AGT: variants seen among roughly 807,000 people sequenced by gnomAD.
AGT encodes alpha-1 antiproteinase, antitrypsin.
In AGT, 26 loss-of-function variants were observed where a neutral mutation model predicts 28.1. That is an observed-to-expected ratio of 0.92 (90% CI 0.68 to 1.28). The LOEUF (loss-of-function observed/expected upper bound fraction) is 1.28, where lower values mean the gene tolerates loss of function less well. Ranked by LOEUF, AGT falls within the 50% of genes most tolerant of loss-of-function variation. The pLI, the probability that AGT is intolerant of heterozygous loss-of-function variation, is 0.00. For missense variants in AGT, 596 were observed against 592.3 expected, an observed-to-expected ratio of 1.01 and a Z score of -0.06; for synonymous variants, 259 against 259.6, an observed-to-expected ratio of 1.00 and a Z score of 0.02.
At position 230,703,015 on chromosome 1, in the gene AGT, A is replaced by C; in HGVS notation, c.*126T>G. ...TTCCAGCTCAAAGTCGACTCATTAG[A>C]AGAAAAGGTGGGAGACTGGGGGTGA... On this transcript the variant is annotated 3_prime_UTR_variant, in exon 5 of 5. Coordinates refer to ENST00000366667, the MANE Select transcript of AGT (RefSeq NM_001384479.1). The C allele has an allele frequency of 9.1e-7, 1 of 1,094,648 alleles. No homozygotes were observed. Among genetic ancestry groups the C allele is most frequent in the Non-Finnish European group, 1.3e-6 (1 of 765,656 alleles). 67.8% of individuals were successfully genotyped at this position (1,094,648 alleles called of 1,614,324 possible). A position where few individuals can be genotyped will look rare whatever the true frequency, so the allele number is the denominator to read the frequency against.
At chr1:230,716,021 A>C (rs1355373818), upstream of AGT, among the ~76,000 whole-genome samples, 4 of 152,238 alleles carry the variant, frequency 2.6e-5, no homozygotes, top group African/African-American at 9.6e-5. Flanking sequence ...ACTTCTCTTA[A>C]TAATGACACG....
At chr1:230,744,585 C>A (rs985479061) in intron 1 of AGT, among the ~76,000 whole-genome samples, 3 of 152,150 alleles carry the variant, frequency 2.0e-5, no homozygotes, top group Non-Finnish European at 4.4e-5. Flanking sequence ...ATTGTTAAAC[C>A]TTTTTGGTGT....
chr1:230,744,775 C>T lies in AGT; in HGVS notation c.-31+740G>A, dbSNP rs139931285. Among the ~76,000 whole-genome samples the T allele has an allele frequency of 3.9e-3, 601 of 152,278 alleles. 5 individuals carry two copies. Among genetic ancestry groups the T allele is most frequent in the African/African-American group, 0.014 (574 of 41,558 alleles). On this transcript the variant is annotated intron_variant, in intron 1 of 4. Transcript: ENST00000681269. The stretch of plus-strand genomic sequence containing the variant: ...GTTTGTATCGGGAGGAGAATGAGAA[C>T]GTAAATCCCTGAAGCTGGGAGTGGG...
At chr1:230,729,505 C>G (rs1018869967) in intron 1 of AGT, among the ~76,000 whole-genome samples, 1 of 152,160 alleles carries the variant, frequency 6.6e-6, no homozygotes, top group Non-Finnish European at 1.5e-5. Context: ...CTTGATTACC[C>G]AGGCATGTGT....
intron 1 of AGT, among the ~76,000 whole-genome samples, chr1:230,726,184 A>G (rs1183314135): frequency 6.6e-6 from 1 of 152,220 alleles, no homozygotes; most frequent in African/African-American, 2.4e-5. Flanking sequence ...TAAACAAGTT[A>G]TTGATGACTA....
At chr1:230,707,229 G>A (rs1175784308) in intron 2 of AGT, among the ~76,000 whole-genome samples, 2 of 152,312 alleles carry the variant, frequency 1.3e-5, no homozygotes, top group South Asian at 2.1e-4. Context: ...CATGACAGCA[G>A]CCCACCCTCT....
At chr1:230,733,508 G>A (rs75154491) in intron 1 of AGT, among the ~76,000 whole-genome samples, 1 of 152,080 alleles carries the variant, frequency 6.6e-6, no homozygotes. Context: ...ATTTTCACTC[G>A]ACAAATCACT....
chr1:230,713,393 T>C (rs889234193), intron 1 of AGT, among the ~76,000 whole-genome samples: 4 of 152,126 alleles, frequency 2.6e-5, no homozygotes, highest in African/African-American at 9.7e-5. Context: ...GAACTAGGAC[T>C]CAGAACCAGG....
intron 1 of AGT, among the ~76,000 whole-genome samples, chr1:230,711,896 G>A (rs1300434294): frequency 2.0e-5 from 3 of 151,796 alleles, no homozygotes; most frequent in Admixed American, 6.6e-5. Context: ...CCCTAGACAC[G>A]GGTCCAGCAC....
At chr1:230,716,834 G>A (rs1035163768), upstream of AGT, among the ~76,000 whole-genome samples, 18 of 151,950 alleles carry the variant, frequency 1.2e-4, no homozygotes, top group South Asian at 8.3e-4. Flanking sequence ...AGTCAGAATC[G>A]GATCCAGGAA....
intron 1 of AGT, among the ~76,000 whole-genome samples, chr1:230,741,572 A>G (rs1035592630): frequency 6.6e-6 from 1 of 152,186 alleles, no homozygotes; most frequent in Admixed American, 6.5e-5. Context: ...AAGATTTGTT[A>G]TGGTTCATGA....
At chr1:230,737,665 T>G (rs903511708) in intron 1 of AGT, among the ~76,000 whole-genome samples, 2 of 152,154 alleles carry the variant, frequency 1.3e-5, no homozygotes, top group African/African-American at 4.8e-5. Context: ...GTACTACAAC[T>G]TTACGAAACA....
chr1:230,718,715 C>T (rs1663787459), upstream of AGT, among the ~76,000 whole-genome samples: 1 of 147,584 alleles, frequency 6.8e-6, no homozygotes, highest in Non-Finnish European at 1.5e-5. Context: ...GGCACAGTTC[C>T]ACACCGCTTT....
At chr1:230,738,241 A>C (rs1664187412) in intron 1 of AGT, among the ~76,000 whole-genome samples, 1 of 152,124 alleles carries the variant, frequency 6.6e-6, no homozygotes, top group Admixed American at 6.5e-5. Flanking sequence ...TCCTACAGTA[A>C]CTCTATGTCT....
At chr1:230,735,004 G>A (rs540046055) in intron 1 of AGT, among the ~76,000 whole-genome samples, 19 of 152,178 alleles carry the variant, frequency 1.2e-4, no homozygotes, top group Middle Eastern at 3.4e-3. Flanking sequence ...GTGAGCCATC[G>A]CGCCCGGCCA....
At chr1:230,742,908 G>A (rs1664272808) in intron 1 of AGT, among the ~76,000 whole-genome samples, 1 of 152,214 alleles carries the variant, frequency 6.6e-6, no homozygotes, top group Non-Finnish European at 1.5e-5. Flanking sequence ...CAGAGTGGGT[G>A]CATTGGTAGC....
At chr1:230,742,924 G>C (rs1192295295) in intron 1 of AGT, among the ~76,000 whole-genome samples, 2 of 152,186 alleles carry the variant, frequency 1.3e-5, no homozygotes, top group Non-Finnish European at 2.9e-5. Context: ...GTAGCTCTGA[G>C]AGGTATTCAT....
intron 1 of AGT, among the ~76,000 whole-genome samples, chr1:230,736,165 TTGTGTG>T (rs375559522): frequency 4.0e-5 from 6 of 149,432 alleles, no homozygotes; most frequent in Middle Eastern, 3.2e-3. Flanking sequence ...AAGGCAAAGT[TTGTGTG>T]TGTGTGTGTG....
At chr1:230,741,270 G>T (rs942213830) in intron 1 of AGT, among the ~76,000 whole-genome samples, 8 of 152,202 alleles carry the variant, frequency 5.3e-5, no homozygotes, top group African/African-American at 1.7e-4. Flanking sequence ...GGGAGATTAG[G>T]CCTTGGAGGA....
Sources: gnomAD v4.1 joint callset for allele counts (sites outside exome capture counted in the v4.1 genomes callset) on GRCh38, gnomAD v4.1.1 for gene constraint, MANE v1.5 for transcripts, NCBI Gene and HGNC (gene_info 2026-07-23, HGNC 2026-07-21) for gene names.